Variants in C3orf62 observed in about 807,000 individuals in gnomAD.
C3orf62 encodes chromosome 3 open reading frame 62.
In C3orf62, 16 loss-of-function variants were observed where a neutral mutation model predicts 21.7. That is an observed-to-expected ratio of 0.74 (90% CI 0.50 to 1.12). C3orf62 has a LOEUF of 1.12. Among genes scored for constraint, C3orf62 ranks in the 50% most tolerant of loss-of-function variants. The pLI is 0.00. For missense variants in C3orf62, 310 were observed against 318.8 expected (o/e 0.97, Z 0.21); for synonymous variants, 114 against 117.0 (o/e 0.97, Z 0.17).
chr3:49,271,925 C>CAAAAAAAAAAAAAAAAAAAAAA (rs796910213), intron 2 of C3orf62, among the ~76,000 whole-genome samples: 2 of 106,104 alleles, frequency 1.9e-5, no homozygotes, highest in Non-Finnish European at 1.9e-5. Context: ...AAAAAAAAAA[C>CAAAAAAAAAAAAAAAAAAAAAA]AAAAAAAAAA....
chr3:49,276,715 G>A lies in C3orf62; in HGVS notation c.158C>T (p.Pro53Leu), dbSNP rs866948396. The A allele has an allele frequency of 1.9e-5, 31 of 1,614,092 alleles. No individual in the cohort carries two copies. The highest frequency in any genetic ancestry group is 2.7e-5 in the African/African-American group (2 of 74,928). The change falls in exon 1 of 3, where the codon CCG becomes CTG. Residue 53 changes from proline (P) to leucine (L), a missense_variant. Transcript: ENST00000343010. ...GTGCACGGGCAGCGAGAAGGAGAGC[G>A]GCGCGGCGCTCAGTTCCAGCCTCTG... is the stretch of plus-strand genomic sequence containing the variant. ...GQQRLELSAA[P>L]LSFSLPVHRL...
Position 49,276,657 on chromosome 3 carries a change from G to C in C3orf62, c.216C>G (p.Ala72=), listed in dbSNP as rs1190999375. The C allele has an allele frequency of 1.2e-6, 2 of 1,614,112 alleles. No individual in the cohort carries two copies. The highest frequency in any genetic ancestry group is 1.3e-5 in the African/African-American group (1 of 74,944). The change falls in exon 1 of 3, where the codon GCC becomes GCG. Residue 72 remains alanine (A), a synonymous_variant. Coordinates refer to ENST00000343010, the MANE Select transcript of C3orf62 (RefSeq NM_198562.3). ...CAGCAAAAGGAGCAGCAGAAGAGCA[G>C]GCTGCCAGAGGATGTCTTCTGCAGA... is the stretch of plus-strand genomic sequence containing the variant. The part of the protein sequence containing the change: ...RLLCRRHPLA[A]CSSAAPFAAV...
chr3:49,276,379 CAAG>C (rs1380560731), intron 1 of C3orf62, 45 bp downstream of exon 1: 10 of 1,549,238 alleles, frequency 6.5e-6, no homozygotes, highest in African/African-American at 1.4e-5. Flanking sequence ...TTTTCAGAAA[CAAG>C]AATCCCCTTA....
In C3orf62 at chr3:49,277,021, C is replaced by A; in HGVS notation, c.-149G>T. On this transcript the variant is annotated 5_prime_UTR_variant, in exon 1 of 3. Transcript: ENST00000343010. ...TGGAGTAGGCGGTTCTCGGCTCTCG[C>A]GGAGGAACCCGCCATCTGCCAGAAG... The A allele has an allele frequency of 6.8e-7, 1 of 1,461,112 alleles. No individual in the cohort carries two copies. Among genetic ancestry groups the A allele is most frequent in the Non-Finnish European group, 9.0e-7 (1 of 1,109,672 alleles). 90.5% of individuals were successfully genotyped at this position (1,461,112 alleles called of 1,614,324 possible).
In C3orf62 at chr3:49,271,310, G is replaced by A. The variant is rs146973096; in HGVS notation, c.674C>T (p.Pro225Leu). The A allele has an allele frequency of 6.2e-7, 1 of 1,614,192 alleles. No homozygotes were observed. The highest frequency in any genetic ancestry group is 8.5e-7 in the Non-Finnish European group (1 of 1,180,036). ...AGGGTCAGCATCTGTGGCCTTCTGAGGGCTCTTGTCCATGAGCAGGGCCCA... is the reference window on the plus strand; with the variant it reads ...AGGGTCAGCATCTGTGGCCTTCTGAAGGCTCTTGTCCATGAGCAGGGCCCA... ...EAWALLMDKS[P>L]QKATDADPGS... Residue 225 changes from proline (P) to leucine (L), a missense_variant, in exon 3 of 3, where the codon CCT becomes CTT. Transcript: ENST00000343010.
intron 1 of C3orf62, among the ~76,000 whole-genome samples, chr3:49,275,381 G>A (rs371043491): frequency 6.6e-6 from 1 of 151,656 alleles, no homozygotes; most frequent in East Asian, 1.9e-4. Flanking sequence ...CACCACACCC[G>A]GCAAGGCCTG....
intron 2 of C3orf62, among the ~76,000 whole-genome samples, chr3:49,271,912 A>G (rs79526956): frequency 4.3e-5 from 1 of 23,406 alleles, no homozygotes; most frequent in Non-Finnish European, 8.6e-5. Flanking sequence ...CCCTGTCTCA[A>G]AAAAAAAAAA....
At position 49,276,581 on chromosome 3, in the gene C3orf62, CA is replaced by C; in HGVS notation, c.291del (p.His97GlnfsTer4). Reference protein sequence around the residue: ...ENENPAFATNHAPVNAKPHAL... With the variant: ...ENENPAFATNXAPVNAKPHAL... ...GCATGTGGTTTTGCATTTACCGGGG[CA>C]TGGTTTGTTGCAAAGGCAGGGTTCT... is the stretch of plus-strand genomic sequence containing the variant. On this transcript the variant is annotated frameshift_variant, in exon 1 of 3. Coordinates refer to ENST00000343010, the MANE Select transcript of C3orf62 (RefSeq NM_198562.3). LOFTEE classifies it high-confidence loss of function. The C allele has an allele frequency of 6.2e-7, 1 of 1,614,234 alleles. No homozygotes were observed. Among genetic ancestry groups the C allele is most frequent in the Non-Finnish European group, 8.5e-7 (1 of 1,180,046 alleles).
Position 49,277,084 on chromosome 3 carries a change from G to C in C3orf62, c.-212C>G. The C allele has an allele frequency of 6.7e-7, 1 of 1,489,400 alleles. No individual in the cohort carries two copies. The highest frequency in any genetic ancestry group is 1.2e-5 in the South Asian group (1 of 81,084). The allele number at this position is 1,489,400 out of a possible 1,614,324, so 92.3% of individuals were successfully genotyped here. A position where few individuals can be genotyped will look rare whatever the true frequency, so the allele number is the denominator to read the frequency against. On this transcript the variant is annotated 5_prime_UTR_variant, in exon 1 of 3. Coordinates refer to ENST00000343010, the MANE Select transcript of C3orf62 (RefSeq NM_198562.3). ...CCCGCCCCACTTCCCACAGCTTCCT[G>C]GCCCGCCCCGCCGCTGCCTCCCGCC...
intron 1 of C3orf62, among the ~76,000 whole-genome samples, chr3:49,275,706 A>T (rs1342168209): frequency 6.7e-6 from 1 of 149,650 alleles, no homozygotes; most frequent in African/African-American, 2.5e-5. Flanking sequence ...AATTTTTTGT[A>T]TTTTTAGTAG....
At chr3:49,274,293 T>C in intron 1 of C3orf62, 153 bp from the exon 2 acceptor site, 1 of 609,216 alleles carries the variant, frequency 1.6e-6, no homozygotes, top group Non-Finnish European at 2.9e-6. Context: ...AATTGGAAAC[T>C]GCTACATCAG....
At chr3:49,274,214 TC>T in intron 1 of C3orf62, 74 bp from the exon 2 acceptor site, 2 of 1,172,666 alleles carry the variant, frequency 1.7e-6, no homozygotes, top group East Asian at 4.7e-5. Context: ...GAAGGGAAAC[TC>T]AGTTTTAGAT....
chr3:49,276,394 T>C (rs780868732), intron 1 of C3orf62, 33 bp downstream of exon 1: 6 of 1,577,890 alleles, frequency 3.8e-6, no homozygotes, highest in Non-Finnish European at 5.2e-6. Flanking sequence ...ATCCCCTTAA[T>C]TGTAGCTGTT....
chr3:49,271,286 G>T lies in C3orf62; in HGVS notation c.698C>A (p.Pro233His). 6.2e-7 allele frequency: 1 copy of T among 1,614,194 alleles called. No homozygotes were observed. Among genetic ancestry groups the T allele is most frequent in the East Asian group, 2.2e-5 (1 of 44,890 alleles). The stretch of plus-strand genomic sequence containing the variant: ...ATCAAAAGCCTGTTTGAGGCTGCCA[G>T]GGTCAGCATCTGTGGCCTTCTGAGG... ...KSPQKATDAD[P>H]GSLKQAFDDH... Residue 233 changes from proline to histidine, a missense_variant, in exon 3 of 3, where the codon CCT becomes CAT. By Grantham distance (77) the Pro-to-His change is moderately conservative. Coordinates refer to ENST00000343010, the MANE Select transcript of C3orf62 (RefSeq NM_198562.3).
intron 2 of C3orf62, among the ~76,000 whole-genome samples, chr3:49,273,152 G>T (rs1239657999): frequency 6.6e-6 from 1 of 152,208 alleles, no homozygotes; most frequent in East Asian, 1.9e-4. Flanking sequence ...TTGGCCGGGA[G>T]TGGTGGCTCT....
At position 49,268,648 on chromosome 3, in the gene C3orf62, C is replaced by T. The variant is rs2046895414; in HGVS notation, c.*2532G>A. The T allele has an allele frequency of 6.6e-6, 1 of 152,188 alleles. No homozygotes were observed. Among genetic ancestry groups the T allele is most frequent in the South Asian group, 2.1e-4 (1 of 4,832 alleles). 9.4% of individuals were successfully genotyped at this position (152,188 alleles called of 1,614,324 possible). The stretch of plus-strand genomic sequence containing the variant: ...TTTTATCAGTTTTTCCAATAATGTT[C>T]TCTTTCTCTTCCAGGATGCACTCCA... On this transcript the variant is annotated 3_prime_UTR_variant, in exon 3 of 3. Coordinates refer to ENST00000343010, the MANE Select transcript of C3orf62 (RefSeq NM_198562.3).
chr3:49,269,393 G>C lies in C3orf62; in HGVS notation c.*1787C>G, dbSNP rs940124431. The C allele has an allele frequency of 6.6e-6, 1 of 152,200 alleles. No homozygotes were observed. Among genetic ancestry groups the C allele is most frequent in the African/African-American group, 2.4e-5 (1 of 41,456 alleles). 9.4% of individuals were successfully genotyped at this position (152,200 alleles called of 1,614,324 possible). On this transcript the variant is annotated 3_prime_UTR_variant, in exon 3 of 3. Coordinates refer to ENST00000343010, the MANE Select transcript of C3orf62 (RefSeq NM_198562.3). ...ATTAAGCTCCACCTCGTCTATAGAA[G>C]AGTGTCCACATCCACATGTATTATT... is the stretch of plus-strand genomic sequence containing the variant.
rs2046899499 is a variant in C3orf62 at position 49,269,279 on chromosome 3, T to G, written c.*1901A>C. The G allele has an allele frequency of 1.3e-5, 2 of 152,198 alleles. No homozygotes were observed. The highest frequency in any genetic ancestry group is 4.1e-4 in the South Asian group (2 of 4,830). The allele number at this position is 152,198 out of a possible 1,614,324, so 9.4% of individuals were successfully genotyped here. On this transcript the variant is annotated 3_prime_UTR_variant, in exon 3 of 3. Transcript: ENST00000343010. ...CACTATAAGTTTGTGACTTTTCCCTTTCCCTACTTTAGTCGTGGGAAGTAT... is the reference window on the plus strand; with the variant it reads ...CACTATAAGTTTGTGACTTTTCCCTGTCCCTACTTTAGTCGTGGGAAGTAT...
In C3orf62 at chr3:49,271,110, T is replaced by C. The variant is rs1204360632; in HGVS notation, c.*70A>G. On this transcript the variant is annotated 3_prime_UTR_variant, in exon 3 of 3. Coordinates refer to ENST00000343010, the MANE Select transcript of C3orf62 (RefSeq NM_198562.3). ...TGAGAAATGTGGCCCCTGACGGCCA[T>C]TGTAGCTGCTTCTGCTCAGGCTCAA... 7 of 1,491,238 alleles carry C rather than the reference T, an allele frequency of 4.7e-6. No individual in the cohort carries two copies. The highest frequency in any genetic ancestry group is 1.4e-5 in the African/African-American group (1 of 71,514). The allele number at this position is 1,491,238 out of a possible 1,614,324, so 92.4% of individuals were successfully genotyped here.
Sources: allele counts gnomAD v4.1 joint callset (sites outside exome capture counted in the v4.1 genomes callset), GRCh38; gene constraint gnomAD v4.1.1; transcripts MANE v1.5; gene names NCBI Gene and HGNC (gene_info 2026-07-23, HGNC 2026-07-21).